MAP2: variants seen among roughly 807,000 people sequenced by gnomAD.
The protein encoded by MAP2 is microtubule associated protein 2.
In MAP2, 14 loss-of-function variants were observed where a neutral mutation model predicts 137.6. The ratio of observed to expected loss-of-function variants is 0.10; its 90% CI spans 0.07 to 0.16. The LOEUF is 0.16. Ranked by LOEUF, MAP2 falls within the 10% of genes least tolerant of loss-of-function variation. The probability of loss-of-function intolerance (pLI) is 1.00; values close to 1 mark genes in which losing one functional copy is unlikely to be tolerated. For synonymous variants in MAP2, 786 were observed against 782.3 expected (o/e 1.00, Z -0.08); for missense variants, 2,088 against 2,191.5 (o/e 0.95, Z 0.94).
intron 1 of MAP2, among the ~76,000 whole-genome samples, chr2:209,499,603 T>TA (rs1461211738): frequency 1.3e-5 from 2 of 152,050 alleles, no homozygotes; most frequent in Non-Finnish European, 2.9e-5. Flanking sequence ...GGTAATTTAT[T>TA]AAAAAAATAA....
intron 2 of MAP2, among the ~76,000 whole-genome samples, chr2:209,541,499 C>T (rs925301186): frequency 2.0e-5 from 3 of 151,160 alleles, no homozygotes; most frequent in Non-Finnish European, 1.5e-5. Flanking sequence ...GTTGTGTCTT[C>T]CCTTCATGAA....
chr2:209,436,691 T>C (rs1696393581), intron 1 of MAP2, among the ~76,000 whole-genome samples: 1 of 151,760 alleles, frequency 6.6e-6, no homozygotes, highest in Non-Finnish European at 1.5e-5. Flanking sequence ...TCAGAGCATG[T>C]TAGATACTGG....
At position 209,493,344 on chromosome 2, in the gene MAP2, C is replaced by T. The variant is rs189329129; in HGVS notation, c.-221-14248C>T. On this transcript the variant is annotated intron_variant, in intron 1 of 15. Coordinates refer to ENST00000682079, the MANE Select transcript of MAP2 (RefSeq NM_001375505.1). ...TAAAAACCCTAGAAGAAAACCTAGG[C>T]AATACCATTCAGGACATAGGCATGG... is the stretch of plus-strand genomic sequence containing the variant. Among the ~76,000 whole-genome samples the T allele has an allele frequency of 6.6e-5, 10 of 152,310 alleles. No homozygotes were observed. The East Asian group carries it at 1.9e-3, about 29-fold the overall frequency.
chr2:209,424,570 C>G (rs1408156505), intron 1 of MAP2, among the ~76,000 whole-genome samples: 1 of 152,192 alleles, frequency 6.6e-6, no homozygotes, highest in East Asian at 1.9e-4. Context: ...TGAAAACTTA[C>G]GCCAGGTTAG....
At chr2:209,468,567 G>A (rs191821363) in intron 1 of MAP2, among the ~76,000 whole-genome samples, 1 of 151,776 alleles carries the variant, frequency 6.6e-6, no homozygotes, top group African/African-American at 2.4e-5. Flanking sequence ...TCATCCACCC[G>A]CCTCGGCCTC....
chr2:209,585,629 T>G (rs1309786241), intron 3 of MAP2, among the ~76,000 whole-genome samples: 1 of 152,136 alleles, frequency 6.6e-6, no homozygotes, highest in Non-Finnish European at 1.5e-5. Context: ...TCTCACAACA[T>G]TTTGCCACCT....
Position 209,695,275 on chromosome 2 carries a change from A to T in MAP2, c.3105A>T (p.Glu1035Asp), listed in dbSNP as rs752994002. ...IAEVEPSKKV[E>D]QGLDFAVQGQ... ...AGGTAGAACCATCCAAAAAGGTGGAACAAGGTCTGGATTTTGCTGTCCAGG... is the reference window on the plus strand; with the variant it reads ...AGGTAGAACCATCCAAAAAGGTGGATCAAGGTCTGGATTTTGCTGTCCAGG... Residue 1035 changes from glutamate to aspartate, a missense_variant, in exon 8 of 16, where the codon GAA (glutamate) becomes GAT (aspartate). This residue lies in a region of MAP2 where 500 missense variants were observed against 482.9 expected (regional missense o/e 1.04). Transcript: ENST00000682079. 6 of 1,613,968 alleles carry T rather than the reference A, an allele frequency of 3.7e-6. No individual in the cohort carries two copies.
At chr2:209,644,662 C>A (rs74921105) in intron 4 of MAP2, among the ~76,000 whole-genome samples, 19,820 of 140,146 alleles carry the variant, frequency 0.14, 1,739 homozygotes, top group African/African-American at 0.27. Context: ...CGACGTGGGA[C>A]CCTGTCTCAA....
chr2:209,549,092 C>T (rs963082675), intron 2 of MAP2, among the ~76,000 whole-genome samples: 4 of 152,138 alleles, frequency 2.6e-5, no homozygotes, highest in African/African-American at 7.2e-5. Flanking sequence ...GTTCAGCCGT[C>T]ACATCTATAT....
chr2:209,490,390 A>G (rs1467079548), intron 1 of MAP2, among the ~76,000 whole-genome samples: 1 of 152,098 alleles, frequency 6.6e-6, no homozygotes, highest in Non-Finnish European at 1.5e-5. Context: ...ATAACCAGGT[A>G]ACATCATAAT....
rs766357949 is a variant in MAP2, at chr2:209,695,244, T to C, written c.3074T>C (p.Ile1025Thr). ...AEKGLSSVPE[I>T]AEVEPSKKVE... is the part of the protein sequence containing the mutation. ...AAGGGTCTTAGTTCAGTGCCAGAGATAGCTGAGGTAGAACCATCCAAAAAG... is the reference window on the plus strand; with the variant it reads ...AAGGGTCTTAGTTCAGTGCCAGAGACAGCTGAGGTAGAACCATCCAAAAAG... The change falls in exon 8 of 16, where the codon ATA (isoleucine) becomes ACA (threonine). Residue 1025 changes from isoleucine to threonine, a missense_variant. Ile to Thr is a moderately conservative substitution (Grantham distance 89, BLOSUM62 -1). Transcript: ENST00000682079. 11 of 1,613,874 alleles carry C rather than the reference T, an allele frequency of 6.8e-6. No homozygotes were observed. Among genetic ancestry groups the C allele is most frequent in the Admixed American group, 6.7e-5 (4 of 59,978 alleles).
At chr2:209,583,183 A>ATCTG (rs1553604273) in intron 3 of MAP2, among the ~76,000 whole-genome samples, 218 of 151,528 alleles carry the variant, frequency 1.4e-3, no homozygotes, top group Non-Finnish European at 2.5e-3. Context: ...CTATCTATCT[A>ATCTG]TCTGTCTATC....
In MAP2 at chr2:209,696,556, A is replaced by G; in HGVS notation, c.4195A>G (p.Ile1399Val). Residue 1399 changes from isoleucine to valine, a missense_variant, in exon 9 of 16, where the codon ATC becomes GTC. Around this residue, in one of 6 missense-constraint regions of MAP2, gnomAD observed 591 missense variants for 642.6 expected, o/e 0.92. Transcript: ENST00000682079. ...WVDTQDDDRS[I>V]MTEQLETIPK... is the part of the protein sequence containing the mutation. The stretch of plus-strand genomic sequence containing the variant: ...TTGATCCACAGATGATGATAGGAGC[A>G]TCATGACAGAACAGTTAGAAACTAT... 6.2e-7 allele frequency: 1 copy of G among 1,612,674 alleles called. No homozygotes were observed. The highest frequency in any genetic ancestry group is 1.1e-5 in the South Asian group (1 of 90,584).
rs1340582445 is a variant in MAP2, at chr2:209,692,859, T to C, written c.689T>C (p.Leu230Pro). 1.2e-6 allele frequency: 2 copies of C among 1,613,826 alleles called. No individual in the cohort carries two copies. Among genetic ancestry groups the C allele is most frequent in the South Asian group, 2.2e-5 (2 of 91,024 alleles). ...KAPLALFGHT[L>P]VASLEDMKQK... ...CCCCTAGCTTTGTTTGGGCACACTC[T>C]TGTTGCCAGCCTGGAAGACATGAAA... Residue 230 changes from leucine to proline, a missense_variant, in exon 8 of 16, where the codon CTT (leucine) becomes CCT (proline). Leu to Pro is a moderately conservative substitution (Grantham distance 98). Coordinates refer to ENST00000682079, the MANE Select transcript of MAP2 (RefSeq NM_001375505.1).
At chr2:209,675,024 A>G (rs2050672645) in intron 5 of MAP2, among the ~76,000 whole-genome samples, 1 of 151,864 alleles carries the variant, frequency 6.6e-6, no homozygotes, top group Admixed American at 6.6e-5. Context: ...TCCCAGAACA[A>G]TCTTAGGCTC....
chr2:209,615,131 A>G (rs559199214), intron 3 of MAP2, among the ~76,000 whole-genome samples: 5 of 152,112 alleles, frequency 3.3e-5, no homozygotes, highest in Non-Finnish European at 7.4e-5. Flanking sequence ...GCTGAATTCC[A>G]GTTTCTATAG....
At chr2:209,615,153 A>G (rs1252768656) in intron 3 of MAP2, among the ~76,000 whole-genome samples, 1 of 152,144 alleles carries the variant, frequency 6.6e-6, no homozygotes, top group East Asian at 1.9e-4. Context: ...CCACAGCTGG[A>G]ATCTGAATGC....
At chr2:209,429,041 C>T (rs960961643) in intron 1 of MAP2, among the ~76,000 whole-genome samples, 2 of 151,936 alleles carry the variant, frequency 1.3e-5, no homozygotes, top group Admixed American at 6.6e-5. Context: ...GCAAGCTCCG[C>T]CCCCCGGGTT....
chr2:209,655,582 A>G (rs907649364), intron 5 of MAP2, among the ~76,000 whole-genome samples: 4 of 152,236 alleles, frequency 2.6e-5, no homozygotes, highest in African/African-American at 7.2e-5. Context: ...CTGTTTCACA[A>G]ATTGTGTAAT....
Sources: gnomAD v4.1 joint callset for allele counts (sites outside exome capture counted in the v4.1 genomes callset) on GRCh38, gnomAD v4.1.1 for gene constraint, gnomAD v4.1.1 regional missense constraint, MANE v1.5 for transcripts, NCBI Gene and HGNC (gene_info 2026-07-23, HGNC 2026-07-21) for gene names.